CACNA1C: variants seen among roughly 807,000 people sequenced by gnomAD.
CACNA1C encodes voltage-dependent L-type calcium channel subunit alpha-1C.
In CACNA1C, 30 loss-of-function variants were observed where a neutral mutation model predicts 229.0. The ratio of observed to expected loss-of-function variants is 0.13; its 90% CI spans 0.10 to 0.18. The LOEUF (loss-of-function observed/expected upper bound fraction) is 0.18, where lower values mean the gene tolerates loss of function less well. Among genes scored for constraint, CACNA1C ranks in the 10% least tolerant of loss-of-function variants. The pLI, the probability that CACNA1C is intolerant of heterozygous loss-of-function variation, is 1.00. For synonymous variants in CACNA1C, 1,114 were observed against 1,132.5 expected, an observed-to-expected ratio of 0.98 and a Z score of 0.33; for missense variants, 1,658 against 2,845.0, an observed-to-expected ratio of 0.58 and a Z score of 9.49.
At chr12:2,023,717 G>T (rs1167927688) in intron 1 of CACNA1C, among the ~76,000 whole-genome samples, 1 of 152,188 alleles carries the variant, frequency 6.6e-6, no homozygotes, top group Non-Finnish European at 1.5e-5. Context: ...AGTAAGTCCA[G>T]TTTGACAAAA....
chr12:2,665,584 A>G lies in CACNA1C; in HGVS notation c.4402A>G (p.Ile1468Val). 6.2e-7 allele frequency: 1 copy of G among 1,613,532 alleles called. No individual in the cohort carries two copies. The highest frequency in any genetic ancestry group is 8.5e-7 in the Non-Finnish European group (1 of 1,179,598). Residue 1468 changes from isoleucine to valine, a missense_variant, in exon 36 of 47, where the codon ATC (isoleucine) becomes GTC (valine). Physicochemically the swap from Ile to Val is conservative, Grantham distance 29 (BLOSUM62 3). Coordinates refer to ENST00000399655, the MANE Select transcript of CACNA1C (RefSeq NM_000719.7). This position sits in a 1 kb window ranked among gnomAD's most constrained non-coding sequence, Gnocchi z 5.9. ...CTCATTGTACTGTTCCCCACAGATC[A>G]TCAACCTCTTTGTAGCTGTCATCAT... ...SFYMLCAFLI[I>V]NLFVAVIMDN...
intron 3 of CACNA1C, among the ~76,000 whole-genome samples, chr12:2,233,025 C>T (rs2065933339): frequency 6.6e-6 from 1 of 152,162 alleles, no homozygotes; most frequent in South Asian, 2.1e-4. Flanking sequence ...ACTGTTACTC[C>T]AAGGAGTACT....
At chr12:2,655,104 T>G in intron 33 of CACNA1C, 43 bp from the exon 34 acceptor site, 1 of 1,202,538 alleles carries the variant, frequency 8.3e-7, no homozygotes, top group Non-Finnish European at 1.2e-6. Flanking sequence ...TAGGACCCTA[T>G]CTGTCCACAA....
chr12:2,598,233 A>C (rs1448037549), intron 21 of CACNA1C, among the ~76,000 whole-genome samples: 1 of 152,098 alleles, frequency 6.6e-6, no homozygotes, highest in African/African-American at 2.4e-5. Context: ...GAACCTGAGC[A>C]CCCAGCCCCC....
chr12:2,115,202 G>A (rs919130046), intron 1 of CACNA1C, 22 bp from the exon 2 acceptor site: 2 of 1,512,330 alleles, frequency 1.3e-6, no homozygotes, highest in African/African-American at 2.8e-5. Flanking sequence ...TAACTGTTGT[G>A]TTCTTTTCTC....
chr12:2,486,041 T>C lies in CACNA1C; in HGVS notation c.758-63T>C. On this transcript the variant is annotated intron_variant, in intron 5 of 46. Transcript: ENST00000399655. This position sits in a 1 kb window ranked among gnomAD's most constrained non-coding sequence, Gnocchi z 4.9. ...CTTGCAGAGTTGCTGGAAGATTGCA[T>C]GAGATGGCGTCAGCACGGTACCGCG... 1 of 1,335,154 alleles carries C rather than the reference T, an allele frequency of 7.5e-7. No individual in the cohort carries two copies. The highest frequency in any genetic ancestry group is 1.0e-6 in the Non-Finnish European group (1 of 988,288). The allele number at this position is 1,335,154 out of a possible 1,614,324, so 82.7% of individuals were successfully genotyped here.
intron 9 of CACNA1C, among the ~76,000 whole-genome samples, chr12:2,535,581 C>T (rs1296441324): frequency 3.3e-5 from 5 of 150,616 alleles, no homozygotes; most frequent in Non-Finnish European, 7.4e-5. Context: ...TTGTGTGGGC[C>T]TGTAATCCTA....
intron 3 of CACNA1C, among the ~76,000 whole-genome samples, chr12:2,252,810 G>C (rs2076077908): frequency 6.6e-6 from 1 of 151,166 alleles, no homozygotes; most frequent in Non-Finnish European, 1.5e-5. Flanking sequence ...GACTTTCTTG[G>C]GTCCTTCCAA....
intron 1 of CACNA1C, among the ~76,000 whole-genome samples, chr12:1,982,784 G>A (rs544268795): frequency 3.5e-4 from 53 of 152,186 alleles, no homozygotes; most frequent in African/African-American, 1.2e-3. Flanking sequence ...TTGGTATCAG[G>A]ATAATGCTGC....
chr12:2,358,651 G>A (rs2097461041), intron 3 of CACNA1C, among the ~76,000 whole-genome samples: 1 of 152,144 alleles, frequency 6.6e-6, no homozygotes, highest in African/African-American at 2.4e-5. Context: ...AGTGCACTAG[G>A]CTTTCTGGAA....
chr12:2,472,099 T>C (rs896693844), intron 5 of CACNA1C, among the ~76,000 whole-genome samples: 9 of 152,230 alleles, frequency 5.9e-5, no homozygotes, highest in African/African-American at 1.9e-4. Flanking sequence ...ATATTCATTA[T>C]ATTTGTTCTG....
chr12:2,638,201 GA>G lies in CACNA1C; in HGVS notation c.3912+3828del, dbSNP rs35110696. On this transcript the variant is annotated intron_variant, in intron 30 of 46. Transcript: ENST00000399655. ...TGTTAGAAGATGATAGACGTTTTAG[GA>G]AAAAAAGTAGTGCCAGATAAGGGGG... Among the ~76,000 whole-genome samples the G allele has an allele frequency of 2.6e-4, 39 of 152,266 alleles. No individual in the cohort carries two copies. The East Asian group carries it at 6.4e-3, about 25-fold the overall frequency.
At chr12:2,591,790 G>T (rs2065465892) in intron 18 of CACNA1C, among the ~76,000 whole-genome samples, 1 of 151,684 alleles carries the variant, frequency 6.6e-6, no homozygotes, top group Admixed American at 6.6e-5. Context: ...CAAAATCAAG[G>T]GGTCTGCAGG....
chr12:2,013,965 G>T (rs1057166535), intron 1 of CACNA1C, among the ~76,000 whole-genome samples: 15 of 152,130 alleles, frequency 9.9e-5, no homozygotes, highest in African/African-American at 3.6e-4. Context: ...TGATAACATT[G>T]TTTTCTGTTT....
chr12:2,185,853 T>C (rs2096982787), intron 3 of CACNA1C, among the ~76,000 whole-genome samples: 1 of 152,132 alleles, frequency 6.6e-6, no homozygotes, highest in African/African-American at 2.4e-5. Flanking sequence ...ACCACGTGTC[T>C]TTGCCCGGTG....
At position 2,107,039 on chromosome 12, in the gene CACNA1C, C is replaced by G. The variant is rs567737443; in HGVS notation, c.50-8185C>G. Among the ~76,000 whole-genome samples, 64 of 93,984 alleles carry G rather than the reference C, an allele frequency of 6.8e-4. 17 individuals are homozygous for G. Among genetic ancestry groups the G allele is most frequent in the Non-Finnish European group, 1.0e-3 (41 of 41,070 alleles). 61.7% of individuals were successfully genotyped at this position (93,984 alleles called of 152,430 possible). A position where few individuals can be genotyped will look rare whatever the true frequency, so the allele number is the denominator to read the frequency against. ...CCCACCCCGGGGAGGTTTTCCACCT[C>G]AGCTGGGGTGTCCTGAAACCACTGG... On this transcript the variant is annotated intron_variant, in intron 1 of 46. Coordinates refer to ENST00000399655, the MANE Select transcript of CACNA1C (RefSeq NM_000719.7).
intron 3 of CACNA1C, among the ~76,000 whole-genome samples, chr12:2,358,753 C>T (rs993306791): frequency 1.3e-5 from 2 of 152,210 alleles, no homozygotes; most frequent in Non-Finnish European, 2.9e-5. Flanking sequence ...GAGATCACCT[C>T]TTGGGAAATA....
chr12:2,414,841 G>T (rs2098847214), intron 3 of CACNA1C, among the ~76,000 whole-genome samples: 1 of 152,208 alleles, frequency 6.6e-6, no homozygotes, highest in African/African-American at 2.4e-5. Flanking sequence ...GTCTGCCGGG[G>T]AGACCCTGGC....
At position 2,697,557 on chromosome 12, in the gene CACNA1C, A is replaced by T. The variant is rs2097850850; in HGVS notation, c.*6358A>T. 1 of 151,780 alleles carries T rather than the reference A, an allele frequency of 6.6e-6. No individual in the cohort carries two copies. The highest frequency in any genetic ancestry group is 6.6e-5 in the Admixed American group (1 of 15,236). The allele number at this position is 151,780 out of a possible 1,614,324, so 9.4% of individuals were successfully genotyped here. A position where few individuals can be genotyped will look rare whatever the true frequency, so the allele number is the denominator to read the frequency against. ...AGCTCAAACCCACCTTCATCCCCCA[A>T]ACCAATCTGTATCATGCCTGTTATC... On this transcript the variant is annotated 3_prime_UTR_variant, in exon 47 of 47. Transcript: ENST00000399655.
Sources: allele counts gnomAD v4.1 joint callset (sites outside exome capture counted in the v4.1 genomes callset), GRCh38; gene constraint gnomAD v4.1.1; non-coding constraint Gnocchi (gnomAD v3.1); transcripts MANE v1.5; gene names NCBI Gene and HGNC (gene_info 2026-07-23, HGNC 2026-07-21).